Variants in CLVS1 observed in about 807,000 individuals in gnomAD.
CLVS1 encodes clavesin-1.
A neutral mutation model predicts 33.1 loss-of-function variants in CLVS1; 10 were observed. That is an observed-to-expected ratio of 0.30 (90% CI 0.19 to 0.51). CLVS1 has a LOEUF of 0.51. Ranked by LOEUF, CLVS1 falls within the 20% of genes least tolerant of loss-of-function variation. CLVS1 has a pLI of 0.97. For synonymous variants in CLVS1, 163 were observed against 166.1 expected, an observed-to-expected ratio of 0.98 and a Z score of 0.14; for missense variants, 343 against 433.4, an observed-to-expected ratio of 0.79 and a Z score of 1.85.
chr8:61,233,509 CA>C (rs35418716), intron 2 of CLVS1, among the ~76,000 whole-genome samples: 4,104 of 96,916 alleles, frequency 0.042, 61 homozygotes, highest in Non-Finnish European at 0.063. Flanking sequence ...GACTCTGTAT[CA>C]AAAAAAAAAA....
At chr8:61,319,568 C>T (rs1299067285) in intron 2 of CLVS1, among the ~76,000 whole-genome samples, 1 of 152,098 alleles carries the variant, frequency 6.6e-6, no homozygotes, top group African/African-American at 2.4e-5. Context: ...GTGTTAAAGC[C>T]CTAACTCCTG....
chr8:61,459,660 C>T (rs1319492318), intron 5 of CLVS1, among the ~76,000 whole-genome samples: 1 of 152,158 alleles, frequency 6.6e-6, no homozygotes, highest in Non-Finnish European at 1.5e-5. Flanking sequence ...GTCTCAATCC[C>T]ATTTCCTCCC....
chr8:61,185,436 G>A (rs1807327443), intron 2 of CLVS1, among the ~76,000 whole-genome samples: 1 of 151,534 alleles, frequency 6.6e-6, no homozygotes, highest in South Asian at 2.1e-4. Context: ...TTATAGGCAT[G>A]AACCACCACT....
intron 2 of CLVS1, among the ~76,000 whole-genome samples, chr8:61,132,708 G>A (rs1040365925): frequency 1.3e-5 from 2 of 152,206 alleles, no homozygotes; most frequent in Non-Finnish European, 2.9e-5. Context: ...AGCTTCAGAT[G>A]TTCTAAAAAG....
chr8:61,216,246 A>G (rs1011428713), intron 2 of CLVS1, among the ~76,000 whole-genome samples: 1 of 152,216 alleles, frequency 6.6e-6, no homozygotes, highest in African/African-American at 2.4e-5. Flanking sequence ...GCTCACTGTC[A>G]CATGGCAAAA....
At chr8:60,978,991 C>G in the CLVS1 span, among the ~76,000 whole-genome samples, 1 of 152,028 alleles carries the variant, frequency 6.6e-6, no homozygotes, top group African/African-American at 2.4e-5. Flanking sequence ...AGAGGAGTCA[C>G]CTACATACTC....
intron 1 of CLVS1, among the ~76,000 whole-genome samples, chr8:61,077,621 G>C (rs1409753910): frequency 6.6e-6 from 1 of 152,074 alleles, no homozygotes; most frequent in African/African-American, 2.4e-5. Context: ...GATTACAAGC[G>C]TGCACTACTA....
At chr8:61,339,003 A>T (rs7011420) in intron 2 of CLVS1, among the ~76,000 whole-genome samples, 70,074 of 149,796 alleles carry the variant, frequency 0.47, 17,131 homozygotes, top group East Asian at 0.82. Flanking sequence ...TATGCATGTG[A>T]GTGTGTGCCT....
intron 1 of CLVS1, among the ~76,000 whole-genome samples, chr8:61,058,153 G>A (rs1260731612): frequency 6.6e-6 from 1 of 152,218 alleles, no homozygotes; most frequent in African/African-American, 2.4e-5. Context: ...GGGGCATCCT[G>A]CTGGTGAGCT....
At chr8:61,067,724 A>G (rs961567542) in intron 1 of CLVS1, among the ~76,000 whole-genome samples, 2 of 152,086 alleles carry the variant, frequency 1.3e-5, no homozygotes, top group African/African-American at 4.8e-5. Context: ...ATACAGGAAC[A>G]GAAAACCAAA....
At chr8:61,070,077 G>T (rs1017031234) in intron 1 of CLVS1, among the ~76,000 whole-genome samples, 9 of 152,178 alleles carry the variant, frequency 5.9e-5, no homozygotes, top group Admixed American at 2.6e-4. Context: ...CCAGGCGTGA[G>T]CCACAGTGCC....
intron 1 of CLVS1, among the ~76,000 whole-genome samples, chr8:61,121,760 CCA>C (rs750255952): frequency 2.6e-5 from 4 of 151,734 alleles, no homozygotes; most frequent in East Asian, 3.9e-4. Flanking sequence ...AGAAACACAC[CCA>C]CACACACACA....
intron 1 of CLVS1, among the ~76,000 whole-genome samples, chr8:61,071,145 A>T (rs1344047905): frequency 1.3e-5 from 2 of 152,252 alleles, no homozygotes; most frequent in Admixed American, 6.5e-5. Context: ...TATGAGGCCA[A>T]CGCGTCTTTA....
chr8:61,418,896 T>A (rs905943570), intron 3 of CLVS1, among the ~76,000 whole-genome samples: 1 of 152,126 alleles, frequency 6.6e-6, no homozygotes, highest in Non-Finnish European at 1.5e-5. Context: ...GGAGGCTGCA[T>A]CAGTGCCAAC....
chr8:61,148,240 G>C (rs1254463974), intron 2 of CLVS1, among the ~76,000 whole-genome samples: 1 of 152,224 alleles, frequency 6.6e-6, no homozygotes, highest in Admixed American at 6.5e-5. Context: ...AGCTGGATCA[G>C]TAACTGCTTG....
At chr8:61,430,141 A>G (rs928252513) in intron 3 of CLVS1, among the ~76,000 whole-genome samples, 1 of 152,200 alleles carries the variant, frequency 6.6e-6, no homozygotes, top group African/African-American at 2.4e-5. Flanking sequence ...CCCTTAAAAC[A>G]ACACTCAGAC....
At chr8:61,431,260 A>G (rs907978278) in intron 3 of CLVS1, among the ~76,000 whole-genome samples, 1 of 152,070 alleles carries the variant, frequency 6.6e-6, no homozygotes, top group Middle Eastern at 3.2e-3. Context: ...CATGGTGGGG[A>G]ACACTTGGGA....
At chr8:61,113,118 A>G (rs1434523444) in intron 1 of CLVS1, among the ~76,000 whole-genome samples, 1 of 152,182 alleles carries the variant, frequency 6.6e-6, no homozygotes, top group Non-Finnish European at 1.5e-5. Flanking sequence ...TGAGAAGCAG[A>G]ACTGCAGAGA....
chr8:61,320,531 C>G (rs1447243822), intron 2 of CLVS1, among the ~76,000 whole-genome samples: 1 of 152,162 alleles, frequency 6.6e-6, no homozygotes, highest in Non-Finnish European at 1.5e-5. Context: ...ATTTGGGTTT[C>G]TATTACAAAA....
Sources: allele counts gnomAD v4.1 joint callset (sites outside exome capture counted in the v4.1 genomes callset), GRCh38; gene constraint gnomAD v4.1.1; transcripts MANE v1.5; gene names NCBI Gene and HGNC (gene_info 2026-07-23, HGNC 2026-07-21).